Variants in MYO18B observed in about 807,000 individuals in gnomAD.
MYO18B encodes the protein unconventional myosin-XVIIIb.
Under a neutral mutation model 273.0 loss-of-function variants are expected in MYO18B, and 204 were observed. The observed-to-expected ratio is 0.75, with a 90% CI of 0.67 to 0.84. MYO18B has a LOEUF of 0.84. Ranked by LOEUF, MYO18B falls within the 40% of genes least tolerant of loss-of-function variation. The pLI is 0.00. For synonymous variants in MYO18B, 1,330 were observed against 1,305.7 expected, an observed-to-expected ratio of 1.02 and a Z score of -0.40; for missense variants, 3,212 against 3,287.6, an observed-to-expected ratio of 0.98 and a Z score of 0.56.
At chr22:25,956,481 G>T (rs1026996089) in intron 39 of MYO18B, among the ~76,000 whole-genome samples, 1 of 152,158 alleles carries the variant, frequency 6.6e-6, no homozygotes, top group African/African-American at 2.4e-5. Flanking sequence ...CACCCAAAGT[G>T]CTAGGATTAC....
At chr22:26,061,001 A>G in the MYO18B span, among the ~76,000 whole-genome samples, 1 of 96,664 alleles carries the variant, frequency 1.0e-5, no homozygotes, top group Non-Finnish European at 1.8e-5. Flanking sequence ...ACATATGCAC[A>G]CACATACACA....
At chr22:26,058,048 T>C in the MYO18B span, among the ~76,000 whole-genome samples, 1 of 152,144 alleles carries the variant, frequency 6.6e-6, no homozygotes, top group African/African-American at 2.4e-5. Flanking sequence ...TAAAACTTAT[T>C]CACTATTGAC....
At chr22:25,749,531 G>A (rs997435126) in intron 1 of MYO18B, among the ~76,000 whole-genome samples, 3 of 152,146 alleles carry the variant, frequency 2.0e-5, no homozygotes, top group Non-Finnish European at 4.4e-5. Flanking sequence ...TCATATGCAG[G>A]TCCTCCCAGA....
At chr22:25,856,333 A>G (rs1238148505) in intron 21 of MYO18B, among the ~76,000 whole-genome samples, 1 of 152,262 alleles carries the variant, frequency 6.6e-6, no homozygotes, top group African/African-American at 2.4e-5. Flanking sequence ...GGAGTTGAAT[A>G]GAAGCCCTCT....
chr22:25,847,583 G>A lies in MYO18B; in HGVS notation c.3706G>A (p.Asp1236Asn). Reference sequence around the variant, plus strand: ...TGGGGCAGGTGGACCTCTGGCCCTGGATATCCCAGCACTGAGGGTCCAGCT... The same window carrying A: ...TGGGGCAGGTGGACCTCTGGCCCTGAATATCCCAGCACTGAGGGTCCAGCT... ...KPGAGGPLAL[D>N]IPALRVQLAG... Residue 1236 changes from aspartate (D) to asparagine (N), a missense_variant, in exon 20 of 44, where the codon GAT (aspartate) becomes AAT (asparagine). Coordinates refer to ENST00000335473, the MANE Select transcript of MYO18B (RefSeq NM_032608.7). 1 of 1,566,818 alleles carries A rather than the reference G, an allele frequency of 6.4e-7. No individual in the cohort carries two copies. Among genetic ancestry groups the A allele is most frequent in the Non-Finnish European group, 8.7e-7 (1 of 1,155,860 alleles).
At chr22:26,046,856 T>G in the MYO18B span, among the ~76,000 whole-genome samples, 1 of 152,172 alleles carries the variant, frequency 6.6e-6, no homozygotes, top group Non-Finnish European at 1.5e-5. Context: ...TATTTCCCAC[T>G]GGGGTAGCTG....
intron 25 of MYO18B, among the ~76,000 whole-genome samples, chr22:25,880,661 A>G (rs2091308836): frequency 6.6e-6 from 1 of 152,240 alleles, no homozygotes; most frequent in Non-Finnish European, 1.5e-5. Flanking sequence ...GGACACCTTG[A>G]TAGAGCTAGG....
chr22:25,918,258 C>T (rs576025777), intron 33 of MYO18B, among the ~76,000 whole-genome samples: 13 of 152,200 alleles, frequency 8.5e-5, no homozygotes, highest in African/African-American at 1.7e-4. Flanking sequence ...TTATCCCTAA[C>T]GGCACTTCTA....
downstream of MYO18B, among the ~76,000 whole-genome samples, chr22:26,031,686 A>C (rs1936671137): frequency 6.6e-6 from 1 of 152,158 alleles, no homozygotes; most frequent in Non-Finnish European, 1.5e-5. Flanking sequence ...CAAAAAGAGG[A>C]GCTCTCATCT....
intron 35 of MYO18B, among the ~76,000 whole-genome samples, chr22:25,947,214 C>T (rs2092722246): frequency 6.6e-6 from 1 of 151,890 alleles, no homozygotes; most frequent in African/African-American, 2.4e-5. Flanking sequence ...AATAAATGCC[C>T]TCCGTATAGG....
the MYO18B span, among the ~76,000 whole-genome samples, chr22:26,047,125 A>ATTT: frequency 1.3e-3 from 174 of 134,834 alleles, 1 homozygote; most frequent in African/African-American, 4.4e-3. Flanking sequence ...TAGTTGGCCC[A>ATTT]TTTTTTTTTT....
intron 12 of MYO18B, among the ~76,000 whole-genome samples, chr22:25,819,296 T>G (rs5996980): frequency 0.19 from 29,519 of 152,184 alleles, 3,000 homozygotes; most frequent in Non-Finnish European, 0.21. Context: ...CACTCTTCTT[T>G]TCAGAAATAT....
At chr22:25,748,045 G>T (rs1481514201) in intron 1 of MYO18B, among the ~76,000 whole-genome samples, 4 of 152,174 alleles carry the variant, frequency 2.6e-5, no homozygotes, top group Non-Finnish European at 5.9e-5. Flanking sequence ...CCACTTCTGC[G>T]GCAGAAGGCA....
chr22:25,998,431 A>G (rs1364465835), intron 40 of MYO18B, among the ~76,000 whole-genome samples: 3 of 152,180 alleles, frequency 2.0e-5, no homozygotes, highest in Non-Finnish European at 4.4e-5. Context: ...GGGTCGGCTG[A>G]AAGTGCATAA....
At position 25,895,159 on chromosome 22, in the gene MYO18B, A is replaced by T. The variant is rs745379308; in HGVS notation, c.4547A>T (p.Asp1516Val). ...TCTCCCTGACTCCGTTAAACAGCAG[A>T]CGAGTGGCAGATGCGCTTCGACTGT... is the stretch of plus-strand genomic sequence containing the variant. ...DLERNPTGGA[D>V]EWQMRFDCAQ... is the part of the protein sequence containing the mutation. The change falls in exon 28 of 44, where the codon GAC (aspartate) becomes GTC (valine). Residue 1516 changes from aspartate to valine, a missense_variant. Coordinates refer to ENST00000335473, the MANE Select transcript of MYO18B (RefSeq NM_032608.7). 5.6e-6 allele frequency: 9 copies of T among 1,612,752 alleles called. No homozygotes were observed. Among genetic ancestry groups the T allele is most frequent in the Non-Finnish European group, 7.6e-6 (9 of 1,179,432 alleles).
In MYO18B at chr22:25,907,044, G is replaced by A. The variant is rs140838513; in HGVS notation, c.5149-1278G>A. ...TTTCATGATCCAGTAACATTAAAGA[G>A]TATAGACAGATAAAGGAAAGCTTCA... is the stretch of plus-strand genomic sequence containing the variant. On this transcript the variant is annotated intron_variant, in intron 31 of 43. Transcript: ENST00000335473. Among the ~76,000 whole-genome samples, 578 of 152,324 alleles carry A rather than the reference G, an allele frequency of 3.8e-3. 3 individuals carry two copies. The highest frequency in any genetic ancestry group is 0.013 in the African/African-American group (553 of 41,564).
chr22:25,757,983 A>G (rs1216563336), intron 1 of MYO18B, among the ~76,000 whole-genome samples: 1 of 152,160 alleles, frequency 6.6e-6, no homozygotes, highest in Non-Finnish European at 1.5e-5. Flanking sequence ...ACTTTGGAAA[A>G]CAGTTGGAAA....
intron 39 of MYO18B, among the ~76,000 whole-genome samples, chr22:25,976,640 C>G (rs1472508215): frequency 6.6e-6 from 1 of 152,154 alleles, no homozygotes; most frequent in African/African-American, 2.4e-5. Flanking sequence ...TGCCTTCACC[C>G]TATTTCTGAG....
At chr22:25,876,136 A>T in intron 23 of MYO18B, 53 bp from the exon 24 acceptor site, 1 of 1,562,140 alleles carries the variant, frequency 6.4e-7, no homozygotes, top group South Asian at 1.2e-5. Context: ...TCCTTCCTTT[A>T]TCCTCACCTG....
Sources: gnomAD v4.1 joint callset for allele counts (sites outside exome capture counted in the v4.1 genomes callset) on GRCh38, gnomAD v4.1.1 for gene constraint, MANE v1.5 for transcripts, NCBI Gene and HGNC (gene_info 2026-07-23, HGNC 2026-07-21) for gene names.